The following DPP10 variants were observed in gnomAD, a reference collection of about 807,000 sequenced individuals.
The protein encoded by DPP10 is dipeptidyl peptidase like 10.
Under a neutral mutation model 120.9 loss-of-function variants are expected in DPP10, and 33 were observed. The ratio of observed to expected loss-of-function variants is 0.27; its 90% CI spans 0.21 to 0.37. The LOEUF (loss-of-function observed/expected upper bound fraction) is 0.37. DPP10 is among the 10% of genes least tolerant of loss of function. DPP10 has a pLI of 1.00. For missense variants in DPP10, 816 were observed against 942.8 expected (o/e 0.87, Z 1.76); for synonymous variants, 337 against 326.1 (o/e 1.03, Z -0.36).
chr2:114,687,870 C>T (rs959408326), intron 1 of DPP10, among the ~76,000 whole-genome samples: 1 of 152,028 alleles, frequency 6.6e-6, no homozygotes, highest in African/African-American at 2.4e-5. Context: ...AGAGTCCCGT[C>T]TCTTCAGAAT....
At chr2:114,691,565 T>A (rs193199011) in intron 1 of DPP10, among the ~76,000 whole-genome samples, 326 of 152,252 alleles carry the variant, frequency 2.1e-3, no homozygotes, top group African/African-American at 7.1e-3. Context: ...TGTATCCGGA[T>A]GATGCTGACC....
At chr2:114,652,774 G>C (rs1296079510) in intron 1 of DPP10, among the ~76,000 whole-genome samples, 1 of 152,056 alleles carries the variant, frequency 6.6e-6, no homozygotes, top group Admixed American at 6.6e-5. Flanking sequence ...AGGGATTCTG[G>C]CAGGACTCAC....
At chr2:114,888,908 T>C (rs374078812) in intron 1 of DPP10, among the ~76,000 whole-genome samples, 7 of 152,284 alleles carry the variant, frequency 4.6e-5, no homozygotes, top group African/African-American at 1.7e-4. Context: ...ATTGTGCCCC[T>C]CCCAAATTCG....
At chr2:115,535,384 G>A (rs923768823) in intron 5 of DPP10, among the ~76,000 whole-genome samples, 5 of 151,994 alleles carry the variant, frequency 3.3e-5, no homozygotes, top group African/African-American at 4.8e-5. Flanking sequence ...TTTCCCCATT[G>A]CTTGTTTTTC....
chr2:115,687,511 A>ATAGATAGATAGATAGG (rs1553480044), intron 5 of DPP10, among the ~76,000 whole-genome samples: 143 of 152,044 alleles, frequency 9.4e-4, no homozygotes, highest in African/African-American at 3.3e-3. Flanking sequence ...AGATAGATAG[A>ATAGATAGATAGATAGG]TAGATAGATA....
chr2:114,702,058 T>C (rs1401320008), intron 1 of DPP10, among the ~76,000 whole-genome samples: 1 of 152,158 alleles, frequency 6.6e-6, no homozygotes, highest in Non-Finnish European at 1.5e-5. Context: ...TCTGAGCATC[T>C]GTAAGTTACC....
chr2:114,442,654 G>C lies in DPP10; in HGVS notation c.-125G>C, dbSNP rs1380599591. ...AGCAGCAGAAACAGAAGCAGCAGAA[G>C]CAACAGCAGTAGCAGCGGCAGCAGC... On this transcript the variant is annotated 5_prime_UTR_variant, in exon 1 of 26. Coordinates refer to ENST00000410059, the MANE Select transcript of DPP10 (RefSeq NM_020868.6). The C allele has an allele frequency of 9.5e-7, 1 of 1,055,826 alleles. No individual in the cohort carries two copies. Among genetic ancestry groups the C allele is most frequent in the Non-Finnish European group, 1.4e-6 (1 of 704,488 alleles). The allele number at this position is 1,055,826 out of a possible 1,614,324, so 65.4% of individuals were successfully genotyped here.
intron 1 of DPP10, among the ~76,000 whole-genome samples, chr2:114,471,518 T>C (rs564301057): frequency 1.1e-4 from 17 of 152,296 alleles, no homozygotes; most frequent in African/African-American, 3.8e-4. Flanking sequence ...TAATTACCCA[T>C]AGAAATAAAC....
chr2:115,815,597 T>C, intron 20 of DPP10, 78 bp from the exon 21 acceptor site: 1 of 1,259,892 alleles, frequency 7.9e-7, no homozygotes, highest in Admixed American at 2.2e-5. Flanking sequence ...TTGTTTTGTA[T>C]GTATGCATGC....
chr2:115,658,515 A>G (rs1292066545), intron 5 of DPP10, among the ~76,000 whole-genome samples: 1 of 152,096 alleles, frequency 6.6e-6, no homozygotes, highest in Non-Finnish European at 1.5e-5. Context: ...AACATCATTC[A>G]TAAATTATTA....
chr2:114,785,939 T>C (rs529866107), intron 1 of DPP10, among the ~76,000 whole-genome samples: 1 of 152,298 alleles, frequency 6.6e-6, no homozygotes, highest in Admixed American at 6.5e-5. Context: ...CATTTTCTTT[T>C]CCTGACCTCC....
rs373313424 is a variant in DPP10 at position 114,793,211 on chromosome 2, A to G, written c.60+350373A>G. On this transcript the variant is annotated intron_variant, in intron 1 of 25. Transcript: ENST00000410059. ...TGTGCAGAACGTGAAGCCTTGTCAC[A>G]TAGGTACACACGTGCCATGGTGGTT... is the stretch of plus-strand genomic sequence containing the variant. Among the ~76,000 whole-genome samples the G allele has an allele frequency of 7.2e-5, 11 of 152,178 alleles. No homozygotes were observed. The East Asian group carries it at 1.7e-3, about 24-fold the overall frequency.
At chr2:115,293,385 G>A (rs1033027063) in intron 1 of DPP10, among the ~76,000 whole-genome samples, 7 of 152,092 alleles carry the variant, frequency 4.6e-5, no homozygotes, top group African/African-American at 1.7e-4. Context: ...AAATCAGAGT[G>A]GGCAAGAGTT....
At chr2:114,942,001 C>A (rs1034134280) in intron 1 of DPP10, among the ~76,000 whole-genome samples, 1 of 151,728 alleles carries the variant, frequency 6.6e-6, no homozygotes, top group African/African-American at 2.4e-5. Flanking sequence ...TGGCCGGGTG[C>A]GGTGGCTCAT....
chr2:115,180,577 T>C (rs1168709793), intron 1 of DPP10, among the ~76,000 whole-genome samples: 1 of 152,188 alleles, frequency 6.6e-6, no homozygotes, highest in African/African-American at 2.4e-5. Context: ...TCCCTTGACC[T>C]CTGAGATTTC....
intron 1 of DPP10, among the ~76,000 whole-genome samples, chr2:114,479,743 C>A (rs138236739): frequency 6.6e-6 from 1 of 152,254 alleles, no homozygotes; most frequent in African/African-American, 2.4e-5. Flanking sequence ...AAATGTTAGA[C>A]CCAAAACCAT....
At chr2:115,390,449 C>T (rs527584631) in intron 3 of DPP10, among the ~76,000 whole-genome samples, 1 of 152,178 alleles carries the variant, frequency 6.6e-6, no homozygotes, top group Non-Finnish European at 1.5e-5. Context: ...AACAGGCTTT[C>T]TCTAAGTCTC....
chr2:115,827,447 T>TATATA (rs1388130768), intron 21 of DPP10, among the ~76,000 whole-genome samples: 1 of 126,840 alleles, frequency 7.9e-6, no homozygotes, highest in Non-Finnish European at 1.6e-5. Context: ...TATATATATA[T>TATATA]GCTCTACAGT....
chr2:114,835,169 C>T (rs1260192877), intron 1 of DPP10: 1 of 150,384 alleles, frequency 6.6e-6, no homozygotes, highest in Non-Finnish European at 1.5e-5. Flanking sequence ...GCCATATCTA[C>T]ACACCTATGT....
Sources: allele counts gnomAD v4.1 joint callset (sites outside exome capture counted in the v4.1 genomes callset), GRCh38; gene constraint gnomAD v4.1.1; transcripts MANE v1.5; gene names NCBI Gene and HGNC (gene_info 2026-07-23, HGNC 2026-07-21).